Variants in TRIM16 observed in about 807,000 individuals in gnomAD.
TRIM16 encodes tripartite motif containing 16, also known as tripartite motif-containing protein 16.
A neutral mutation model predicts 50.4 loss-of-function variants in TRIM16; 33 were observed. That is an observed-to-expected ratio of 0.65 (90% CI 0.50 to 0.88). The LOEUF (loss-of-function observed/expected upper bound fraction) is 0.88. TRIM16 is among the 40% of genes least tolerant of loss of function. The pLI is 0.00. For missense variants in TRIM16, 581 were observed against 686.8 expected (o/e 0.85, Z 1.72); for synonymous variants, 229 against 270.7 (o/e 0.85, Z 1.51).
rs531099598 is a variant in TRIM16 at position 15,661,542 on chromosome 17, C to A, written c.-337-9596G>T. ...TCAGTGTTTCTTGGAGTCCCTGGGG[C>A]ACTGTCTTCCACTGGGCACCTTCTT... On this transcript the variant is annotated intron_variant, in intron 6 of 11. Coordinates refer to ENST00000649191, the MANE Select transcript of TRIM16 (RefSeq NM_001348119.1). 2.6e-5 allele frequency among the ~76,000 whole-genome samples: 4 copies of A among 152,296 alleles called. No homozygotes were observed. The South Asian group carries it at 8.3e-4, about 32-fold the overall frequency.
intron 6 of TRIM16, 35 bp from the exon 7 acceptor site, chr17:15,651,981 A>G: frequency 8.8e-7 from 1 of 1,142,826 alleles, no homozygotes; most frequent in Non-Finnish European, 1.1e-6. Context: ...GCTCTGTTAT[A>G]AGCCTGTGTG....
intron 4 of TRIM16, among the ~76,000 whole-genome samples, chr17:15,679,500 G>C (rs1326706360): frequency 1.3e-5 from 2 of 152,170 alleles, no homozygotes; most frequent in Admixed American, 6.5e-5. Flanking sequence ...CATTACACCT[G>C]TTAACTAAAC....
intron 7 of TRIM16, among the ~76,000 whole-genome samples, chr17:15,648,083 G>A (rs760486027): frequency 4.6e-5 from 7 of 152,068 alleles, no homozygotes; most frequent in Non-Finnish European, 8.8e-5. Flanking sequence ...AAAATTAGCC[G>A]GGCGTGGTGG....
intron 7 of TRIM16, among the ~76,000 whole-genome samples, chr17:15,650,401 C>G (rs1250476732): frequency 1.3e-5 from 2 of 152,142 alleles, no homozygotes; most frequent in Admixed American, 1.3e-4. Flanking sequence ...ACGACTTGTT[C>G]TAGAAACAGT....
intron 9 of TRIM16, among the ~76,000 whole-genome samples, chr17:15,634,724 T>C (rs938445348): frequency 6.7e-6 from 1 of 148,320 alleles, no homozygotes; most frequent in African/African-American, 2.5e-5. Flanking sequence ...AGGCAGAGAA[T>C]TGCTTGAATC....
intron 6 of TRIM16, among the ~76,000 whole-genome samples, chr17:15,670,024 G>C (rs894344377): frequency 1.3e-5 from 2 of 152,158 alleles, no homozygotes; most frequent in Non-Finnish European, 2.9e-5. Flanking sequence ...GTGCAAAGTA[G>C]AGAAACAAAA....
chr17:15,637,850 T>C (rs1986911280), intron 8 of TRIM16, among the ~76,000 whole-genome samples: 1 of 129,372 alleles, frequency 7.7e-6, no homozygotes, highest in South Asian at 2.8e-4. Context: ...ATGGTTGCCG[T>C]GTCTGTGTAG....
chr17:15,677,281 C>T lies in TRIM16; in HGVS notation c.-442-1G>A, dbSNP rs369589252. 1 of 985,258 alleles carries T rather than the reference C, an allele frequency of 1.0e-6. No homozygotes were observed. Among genetic ancestry groups the T allele is most frequent in the African/African-American group, 1.7e-5 (1 of 57,212 alleles). The allele number at this position is 985,258 out of a possible 1,614,324, so 61.0% of individuals were successfully genotyped here. Reference sequence around the variant, plus strand: ...CCAGGTTTGGAAAATGGAAATCCTACTGAAGAGATACAAACAGAATGTAAT... The same window carrying T: ...CCAGGTTTGGAAAATGGAAATCCTATTGAAGAGATACAAACAGAATGTAAT... On this transcript the variant is annotated splice_acceptor_variant, in intron 5 of 11. Coordinates refer to ENST00000649191, the MANE Select transcript of TRIM16 (RefSeq NM_001348119.1). LOFTEE classifies it low-confidence loss of function (5UTR_SPLICE).
At chr17:15,652,182 C>G (rs1253928466) in intron 6 of TRIM16, 2 of 157,434 alleles carry the variant, frequency 1.3e-5, no homozygotes, top group African/African-American at 2.5e-5. Context: ...GAGTCTCACT[C>G]TGTCACCCAG....
chr17:15,651,321 T>G lies in TRIM16; in HGVS notation c.289A>C (p.Met97Leu), dbSNP rs781620349. 1 of 1,614,276 alleles carries G rather than the reference T, an allele frequency of 6.2e-7. No homozygotes were observed. Among genetic ancestry groups the G allele is most frequent in the Admixed American group, 1.7e-5 (1 of 60,032 alleles). Residue 97 changes from methionine (M) to leucine (L), a missense_variant, in exon 7 of 12, where the codon ATG becomes CTG. This residue lies in a region of TRIM16 where 450 missense variants were observed against 544.3 expected (regional missense o/e 0.83). Transcript: ENST00000649191. ...VKAVKSCLTC[M>L]VNYCEEHLQP... ...AAGTGCTCTTCACAGTAATTCACCA[T>G]GCAGGTTAGACAGGACTTCACTGCC...
intron 4 of TRIM16, 56 bp downstream of exon 4, chr17:15,680,809 A>G (rs1450956814): frequency 2.7e-6 from 4 of 1,502,918 alleles, no homozygotes; most frequent in Non-Finnish European, 3.5e-6. Context: ...AGAGAGGAAA[A>G]TCCCCAACTC....
intron 7 of TRIM16, among the ~76,000 whole-genome samples, chr17:15,644,331 A>T (rs1027214547): frequency 1.5e-4 from 23 of 152,064 alleles, no homozygotes; most frequent in African/African-American, 5.6e-4. Context: ...GACTACAGGT[A>T]TGTGCCACCA....
At chr17:15,679,664 G>A (rs1458443773) in intron 4 of TRIM16, among the ~76,000 whole-genome samples, 4 of 152,206 alleles carry the variant, frequency 2.6e-5, no homozygotes, top group African/African-American at 7.2e-5. Flanking sequence ...CTGGCCGGGC[G>A]TGGTGGCTCA....
In TRIM16 at chr17:15,628,599, A is replaced by T; in HGVS notation, c.*16T>A. The T allele has an allele frequency of 1.3e-6, 2 of 1,576,594 alleles. No homozygotes were observed. Among genetic ancestry groups the T allele is most frequent in the Non-Finnish European group, 1.7e-6 (2 of 1,158,576 alleles). ...TCACTGTAGCTGGCAAAGGTCTGGG[A>T]TATGGCTCCTGGAGTCTAGGGAGCA... On this transcript the variant is annotated 3_prime_UTR_variant, in exon 12 of 12. Coordinates refer to ENST00000649191, the MANE Select transcript of TRIM16 (RefSeq NM_001348119.1).
chr17:15,645,471 C>A (rs554109574), intron 7 of TRIM16, among the ~76,000 whole-genome samples: 7 of 152,076 alleles, frequency 4.6e-5, no homozygotes, highest in Admixed American at 4.6e-4. Context: ...CACTAAACAC[C>A]TTCTGCCAAG....
chr17:15,677,298 G>T lies in TRIM16; in HGVS notation c.-442-18C>A. The T allele has an allele frequency of 1.0e-6, 1 of 984,892 alleles. No individual in the cohort carries two copies. Among genetic ancestry groups the T allele is most frequent in the Non-Finnish European group, 1.2e-6 (1 of 829,472 alleles). 61.0% of individuals were successfully genotyped at this position (984,892 alleles called of 1,614,324 possible). ...AAATCCTACTGAAGAGATACAAACA[G>T]AATGTAATTTTAAGTTCAAAAGAGA... On this transcript the variant is annotated intron_variant, in intron 5 of 11. Coordinates refer to ENST00000649191, the MANE Select transcript of TRIM16 (RefSeq NM_001348119.1).
chr17:15,634,555 C>T lies in TRIM16; in HGVS notation c.849+1481G>A, dbSNP rs143919304. Among the ~76,000 whole-genome samples, 395 of 144,218 alleles carry T rather than the reference C, an allele frequency of 2.7e-3. 30 individuals are homozygous for T. The East Asian group carries it at 0.04, about 15-fold the overall frequency. 94.6% of individuals were successfully genotyped at this position (144,218 alleles called of 152,430 possible). A position where few individuals can be genotyped will look rare whatever the true frequency, so the allele number is the denominator to read the frequency against. Reference sequence around the variant, plus strand: ...CTGAGGCAGGAGAATCGCTTGAACCCGGGAGGTGGAGCTTGCAGTGAGCAG... The same window carrying T: ...CTGAGGCAGGAGAATCGCTTGAACCTGGGAGGTGGAGCTTGCAGTGAGCAG... On this transcript the variant is annotated intron_variant, in intron 9 of 11. Coordinates refer to ENST00000649191, the MANE Select transcript of TRIM16 (RefSeq NM_001348119.1).
At chr17:15,655,400 G>T (rs1987926070) in intron 6 of TRIM16, among the ~76,000 whole-genome samples, 1 of 151,910 alleles carries the variant, frequency 6.6e-6, no homozygotes, top group Non-Finnish European at 1.5e-5. Flanking sequence ...CTTCTCTCAT[G>T]AATTGTTTCA....
chr17:15,674,980 T>C (rs1450473249), intron 6 of TRIM16, among the ~76,000 whole-genome samples: 1 of 151,934 alleles, frequency 6.6e-6, no homozygotes, highest in Non-Finnish European at 1.5e-5. Context: ...TTTATTTTGT[T>C]TGGACATGGC....
Sources: gnomAD v4.1 joint callset for allele counts (sites outside exome capture counted in the v4.1 genomes callset) on GRCh38, gnomAD v4.1.1 for gene constraint, gnomAD v4.1.1 regional missense constraint, MANE v1.5 for transcripts, NCBI Gene and HGNC (gene_info 2026-07-23, HGNC 2026-07-21) for gene names.